PAPLN: variants seen among roughly 807,000 people sequenced by gnomAD.
PAPLN encodes the protein papilin.
PAPLN carries 146 observed loss-of-function variants against 159.0 expected under a neutral mutation model. The ratio of observed to expected loss-of-function variants is 0.92; its 90% confidence interval spans 0.80 to 1.05. PAPLN has a LOEUF of 1.05. PAPLN is among the 50% of genes least tolerant of loss of function. PAPLN has a pLI of 0.00. For synonymous variants in PAPLN, 734 were observed against 702.9 expected, an observed-to-expected ratio of 1.04 and a Z score of -0.70; for missense variants, 1,720 against 1,743.9, an observed-to-expected ratio of 0.99 and a Z score of 0.24.
At chr14:73,246,302 C>A in intron 5 of PAPLN, 127 bp downstream of exon 5, 1 of 843,114 alleles carries the variant, frequency 1.2e-6, no homozygotes, top group South Asian at 2.4e-5. Flanking sequence ...CACTGTGTTG[C>A]CCAGGCTGGT....
chr14:73,262,817 T>C lies in PAPLN; in HGVS notation c.2713T>C (p.Ser905Pro). The change falls in exon 19 of 27, where the codon TCC becomes CCC. Residue 905 changes from serine to proline, a missense_variant. By Grantham distance (74) the Ser-to-Pro change is moderately conservative. Coordinates refer to ENST00000644200, the MANE Select transcript of PAPLN (RefSeq NM_001365906.3). ...AGSPAPPFHS[S>P]SYRISLAGVE... is the part of the protein sequence containing the mutation. ...ATCACCAGCGCCACCCTTCCACAGC[T>C]CCTCCTACAGGTGAGGCCCACCTTC... 4 of 1,486,328 alleles carry C rather than the reference T, an allele frequency of 2.7e-6. No homozygotes were observed. The highest frequency in any genetic ancestry group is 3.6e-6 in the Non-Finnish European group (4 of 1,121,898). 92.1% of individuals were successfully genotyped at this position (1,486,328 alleles called of 1,614,324 possible).
intron 1 of PAPLN, among the ~76,000 whole-genome samples, chr14:73,238,956 G>GA (rs1883244625): frequency 6.6e-6 from 1 of 152,178 alleles, no homozygotes; most frequent in Non-Finnish European, 1.5e-5. Context: ...ATGTCATTCT[G>GA]CGATACAGCG....
Position 73,254,649 on chromosome 14 carries a change from GC to G in PAPLN, c.1444del (p.Leu482SerfsTer320). ...PLTEPCVHED[C>X]PLLSDQAWHV... ...ACTGAGCCCTGTGTGCATGAGGACT[GC>G]CCCCTCCTCAGTGACCAGGCCTGGC... is the stretch of plus-strand genomic sequence containing the variant. On this transcript the variant is annotated frameshift_variant, in exon 13 of 27. Transcript: ENST00000644200. LOFTEE classifies it high-confidence loss of function. 1 of 1,614,012 alleles carries G rather than the reference GC, an allele frequency of 6.2e-7. No individual in the cohort carries two copies. Among genetic ancestry groups the G allele is most frequent in the South Asian group, 1.1e-5 (1 of 91,086 alleles).
At chr14:73,264,822 C>A in intron 22 of PAPLN, 96 bp downstream of exon 22, 1 of 1,563,166 alleles carries the variant, frequency 6.4e-7, no homozygotes, top group Non-Finnish European at 8.6e-7. Flanking sequence ...TGTGACCAGG[C>A]CTTGCCAGCC....
At chr14:73,262,197 G>A in intron 18 of PAPLN, 153 bp from the exon 19 acceptor site, 1 of 781,126 alleles carries the variant, frequency 1.3e-6, no homozygotes, top group South Asian at 1.8e-5. Flanking sequence ...AAGCATCCTG[G>A]ATCCCAGGGC....
rs1017667978 is a variant in PAPLN at position 73,264,463 on chromosome 14, C to T, written c.2987-125C>T. Reference sequence around the variant, plus strand: ...GGGTGTCTCTCTGAGTCAATTCCTCCTGCTGGCAGGGACCACCCTGTGGCC... The same window carrying T: ...GGGTGTCTCTCTGAGTCAATTCCTCTTGCTGGCAGGGACCACCCTGTGGCC... On this transcript the variant is annotated intron_variant, in intron 21 of 26. Transcript: ENST00000644200. The T allele has an allele frequency of 2.0e-6, 3 of 1,521,478 alleles. No homozygotes were observed. In the African/African-American group the frequency reaches 4.2e-5, roughly 21 times the overall value. 94.2% of individuals were successfully genotyped at this position (1,521,478 alleles called of 1,614,324 possible).
At chr14:73,261,102 C>T in intron 17 of PAPLN, 54 bp from the exon 18 acceptor site, 2 of 1,613,720 alleles carry the variant, frequency 1.2e-6, no homozygotes, top group South Asian at 2.2e-5. Flanking sequence ...GCCCAGAGTC[C>T]CCAACAATGG....
intron 26 of PAPLN, among the ~76,000 whole-genome samples, chr14:73,271,516 T>G (rs1887718506): frequency 6.6e-6 from 1 of 151,922 alleles, no homozygotes; most frequent in African/African-American, 2.4e-5. Context: ...TTTTTTTTTT[T>G]TTTAAGACAG....
Position 73,254,613 on chromosome 14 carries a change from G to A in PAPLN, c.1403G>A (p.Arg468Gln), listed in dbSNP as rs374605135. ...LHTAACSLED[R>Q]PPLTEPCVHE... ...ACCGCAGCGTGCTCCTTGGAAGACC[G>A]GCCACCTCTGACTGAGCCCTGTGTG... The change falls in exon 13 of 27, where the codon CGG becomes CAG. Residue 468 changes from arginine (R) to glutamine (Q), a missense_variant. Physicochemically the swap from Arg to Gln is conservative, Grantham distance 43 (BLOSUM62 1). Coordinates refer to ENST00000644200, the MANE Select transcript of PAPLN (RefSeq NM_001365906.3). 127 of 1,613,898 alleles carry A rather than the reference G, an allele frequency of 7.9e-5. No individual in the cohort carries two copies. The highest frequency in any genetic ancestry group is 1.0e-4 in the Non-Finnish European group (118 of 1,179,910).
At chr14:73,239,976 T>C in intron 2 of PAPLN, 144 bp downstream of exon 2, 1 of 1,410,872 alleles carries the variant, frequency 7.1e-7, no homozygotes, top group South Asian at 1.5e-5. Context: ...ACCGCTGAGC[T>C]CCCTCAGAAA....
upstream of PAPLN, among the ~76,000 whole-genome samples, chr14:73,236,781 T>A (rs1484745697): frequency 4.1e-5 from 6 of 144,620 alleles, no homozygotes; most frequent in African/African-American, 1.5e-4. Context: ...TAGCCATTGC[T>A]CTCTACCCTG....
chr14:73,261,342 C>T (rs756112294), intron 18 of PAPLN, 48 bp downstream of exon 18: 2 of 1,591,770 alleles, frequency 1.3e-6, no homozygotes, highest in South Asian at 2.3e-5. Flanking sequence ...GACTCTGCTC[C>T]CACCATGCCT....
At chr14:73,250,841 G>A in intron 6 of PAPLN, 66 bp from the exon 7 acceptor site, 8 of 1,517,264 alleles carry the variant, frequency 5.3e-6, no homozygotes, top group Non-Finnish European at 6.2e-6. Context: ...GTTAGGATGC[G>A]ACGGGGCCCA....
Position 73,252,161 on chromosome 14 carries a change from AG to A in PAPLN, c.967+24del. ...GCGGAGGTGCGGGCGTGGATGGCCC[AG>A]GGGAGGGCATGGGCCCTGTGTGCTG... is the stretch of plus-strand genomic sequence containing the variant. On this transcript the variant is annotated intron_variant, in intron 10 of 26. Coordinates refer to ENST00000644200, the MANE Select transcript of PAPLN (RefSeq NM_001365906.3). 1 of 1,577,450 alleles carries A rather than the reference AG, an allele frequency of 6.3e-7. No individual in the cohort carries two copies. Among genetic ancestry groups the A allele is most frequent in the Non-Finnish European group, 8.6e-7 (1 of 1,161,038 alleles).
In PAPLN at chr14:73,260,834, G is replaced by A; in HGVS notation, c.2106+5G>A. On this transcript the variant is annotated splice_donor_5th_base_variant and intron_variant, in intron 17 of 26. Coordinates refer to ENST00000644200, the MANE Select transcript of PAPLN (RefSeq NM_001365906.3). ...TCAAGGGCAGTGGCTTCTACAGTAA[G>A]TGTCTGGCCTGGGGGAGGGGAGCAG... The A allele has an allele frequency of 6.7e-7, 1 of 1,499,332 alleles. No homozygotes were observed. 92.9% of individuals were successfully genotyped at this position (1,499,332 alleles called of 1,614,324 possible). A position where few individuals can be genotyped will look rare whatever the true frequency, so the allele number is the denominator to read the frequency against.
chr14:73,255,374 A>C (rs950699502), intron 14 of PAPLN, among the ~76,000 whole-genome samples: 2 of 152,156 alleles, frequency 1.3e-5, no homozygotes, highest in Non-Finnish European at 2.9e-5. Flanking sequence ...TGGGTCCCCA[A>C]CTTCCATATT....
rs766330136 is a variant in PAPLN at position 73,272,684 on chromosome 14, C to G, written c.*20C>G. 3 of 1,536,406 alleles carry G rather than the reference C, an allele frequency of 2.0e-6. No individual in the cohort carries two copies. In the South Asian group the frequency reaches 3.6e-5, roughly 19 times the overall value. ...CAGTAGGGATGAAGGCTAGTTCCAG[C>G]CCCAGTCCAAAATAGTTCATAGGGC... On this transcript the variant is annotated 3_prime_UTR_variant, in exon 27 of 27. Transcript: ENST00000644200.
upstream of PAPLN, among the ~76,000 whole-genome samples, chr14:73,237,289 A>G (rs1346474028): frequency 6.6e-6 from 1 of 152,186 alleles, no homozygotes; most frequent in African/African-American, 2.4e-5. Flanking sequence ...CTGACCCAAG[A>G]GAGGACAGAC....
intron 18 of PAPLN, 33 bp from the exon 19 acceptor site, chr14:73,262,317 C>T (rs1342502817): frequency 6.4e-7 from 1 of 1,572,346 alleles, no homozygotes; most frequent in East Asian, 2.3e-5. Flanking sequence ...TACTGGGCAC[C>T]TCAGTGACTT....
Sources: allele counts gnomAD v4.1 joint callset (sites outside exome capture counted in the v4.1 genomes callset), GRCh38; gene constraint gnomAD v4.1.1; transcripts MANE v1.5; gene names NCBI Gene and HGNC (gene_info 2026-07-23, HGNC 2026-07-21).